The following MROH9 variants were observed in gnomAD, a reference collection of about 807,000 sequenced individuals.
MROH9 encodes maestro heat-like repeat-containing protein family member 9.
A neutral mutation model predicts 98.2 loss-of-function variants in MROH9; 92 were observed. The observed-to-expected ratio is 0.94, with a 90% CI of 0.79 to 1.11. The LOEUF (loss-of-function observed/expected upper bound fraction) is 1.11. MROH9 is among the 50% of genes most tolerant of loss of function. The probability of loss-of-function intolerance (pLI) is 0.00; values close to 1 mark genes in which losing one functional copy is unlikely to be tolerated. For missense variants in MROH9, 1,057 were observed against 1,014.8 expected (o/e 1.04, Z -0.57); for synonymous variants, 397 against 368.9 (o/e 1.08, Z -0.87).
intron 20 of MROH9, among the ~76,000 whole-genome samples, chr1:171,045,622 T>G (rs2101863263): frequency 6.6e-6 from 1 of 152,312 alleles, no homozygotes; most frequent in Non-Finnish European, 1.5e-5. Flanking sequence ...TTGTTATTAA[T>G]TTTTAGTTTT....
chr1:170,976,013 C>A (rs114031393), intron 8 of MROH9, among the ~76,000 whole-genome samples: 1,774 of 152,064 alleles, frequency 0.012, 38 homozygotes, highest in African/African-American at 0.041. Context: ...GTAGGTTTTT[C>A]TCCATTTCTT....
In MROH9 at chr1:171,000,870, G is replaced by A. The variant is rs144896397; in HGVS notation, c.1596+2596G>A. Among the ~76,000 whole-genome samples the A allele has an allele frequency of 3.2e-3, 485 of 151,956 alleles. 4 individuals are homozygous for A. The highest frequency in any genetic ancestry group is 0.011 in the African/African-American group (452 of 41,450). On this transcript the variant is annotated intron_variant, in intron 15 of 21. Coordinates refer to ENST00000367759, the MANE Select transcript of MROH9 (RefSeq NM_001163629.2). ...TTCTGCTGTGAATCCATCTGGTCCT[G>A]GACTTTTTTTTGTTGGTAATTTTTT...
intron 6 of MROH9, among the ~76,000 whole-genome samples, chr1:170,962,193 G>A (rs116315739): frequency 7.6e-4 from 116 of 152,176 alleles, no homozygotes; most frequent in African/African-American, 2.7e-3. Flanking sequence ...AGCATCAACA[G>A]GTACTTGAGA....
chr1:171,048,806 A>G (rs1293995052), intron 20 of MROH9, among the ~76,000 whole-genome samples: 1 of 152,196 alleles, frequency 6.6e-6, no homozygotes, highest in East Asian at 1.9e-4. Context: ...CCCACAATGT[A>G]GTACCTGGGT....
At chr1:170,955,332 C>G (rs1238176992) in intron 3 of MROH9, among the ~76,000 whole-genome samples, 1 of 151,938 alleles carries the variant, frequency 6.6e-6, no homozygotes, top group Non-Finnish European at 1.5e-5. Flanking sequence ...GGGTAGATAC[C>G]CAGTAGTGTG....
At chr1:171,062,514 C>A (rs991136724) in intron 21 of MROH9, among the ~76,000 whole-genome samples, 11 of 152,324 alleles carry the variant, frequency 7.2e-5, no homozygotes, top group African/African-American at 2.6e-4. Flanking sequence ...ATTCATCTAA[C>A]AAATATTTTT....
intron 17 of MROH9, among the ~76,000 whole-genome samples, chr1:171,023,574 G>A (rs1652586406): frequency 6.6e-6 from 1 of 151,724 alleles, no homozygotes; most frequent in Non-Finnish European, 1.5e-5. Context: ...CTGAATTATG[G>A]TAAGTAAATT....
At position 171,032,962 on chromosome 1, in the gene MROH9, GC is replaced by G. The variant is rs1652973180; in HGVS notation, c.2281+7546del. ...TGTGGGATCCAGGTTCTGTCCCTGA[GC>G]CCCTGGCTGGAGTTATTGGAGTTCC... On this transcript the variant is annotated intron_variant, in intron 20 of 21. Coordinates refer to ENST00000367759, the MANE Select transcript of MROH9 (RefSeq NM_001163629.2). 2.0e-5 allele frequency among the ~76,000 whole-genome samples: 3 copies of G among 152,224 alleles called. No homozygotes were observed. In the South Asian group the frequency reaches 6.2e-4, roughly 31 times the overall value.
intron 1 of MROH9, 73 bp downstream of exon 1, chr1:170,935,660 A>C (rs1306606913): frequency 6.6e-6 from 1 of 152,052 alleles, no homozygotes; most frequent in Admixed American, 6.5e-5. Context: ...TACTTTTCTT[A>C]ATTTTTGTTC....
At chr1:170,949,867 T>C (rs953208586) in intron 3 of MROH9, among the ~76,000 whole-genome samples, 7 of 151,934 alleles carry the variant, frequency 4.6e-5, no homozygotes, top group Non-Finnish European at 2.9e-5. Flanking sequence ...ACCCCAGAGA[T>C]ACAAAGACAA....
chr1:171,061,920 A>G (rs750188554), intron 20 of MROH9, among the ~76,000 whole-genome samples: 1 of 152,160 alleles, frequency 6.6e-6, no homozygotes, highest in Non-Finnish European at 1.5e-5. Context: ...TCATTCACTG[A>G]GCTGTCCAAT....
chr1:171,029,310 C>T (rs1652829711), intron 20 of MROH9, among the ~76,000 whole-genome samples: 1 of 151,848 alleles, frequency 6.6e-6, no homozygotes, highest in African/African-American at 2.4e-5. Flanking sequence ...TCCCAGGTTC[C>T]AGCGATTCTC....
intron 14 of MROH9, among the ~76,000 whole-genome samples, chr1:170,997,189 C>T (rs144211918): frequency 6.6e-6 from 1 of 152,056 alleles, no homozygotes; most frequent in African/African-American, 2.4e-5. Context: ...GACAACATGA[C>T]AGACTAAGAC....
rs755662279 is a variant in MROH9, at chr1:170,965,261, T to C, written c.480+6T>C. 3.8e-6 allele frequency: 6 copies of C among 1,569,146 alleles called. No homozygotes were observed. Among genetic ancestry groups the C allele is most frequent in the Non-Finnish European group, 5.3e-6 (6 of 1,139,688 alleles). On this transcript the variant is annotated splice_donor_region_variant and intron_variant, in intron 7 of 21. Transcript: ENST00000367759. ...TCACAAAAGTCAGAAAATACGTAAG[T>C]CACAGAATATAACAATGCCACCTGA...
intron 15 of MROH9, among the ~76,000 whole-genome samples, chr1:171,005,741 T>G (rs1395148665): frequency 1.3e-5 from 2 of 152,166 alleles, no homozygotes; most frequent in East Asian, 3.9e-4. Context: ...ACTTCTTCCT[T>G]TCTGATTTGA....
chr1:170,962,686 T>G (rs16863869), intron 6 of MROH9, among the ~76,000 whole-genome samples: 27,541 of 151,974 alleles, frequency 0.18, 3,691 homozygotes, highest in African/African-American at 0.38. Flanking sequence ...GGAATTTGAA[T>G]GAAAATAAAA....
Position 170,992,292 on chromosome 1 carries a change from G to T in MROH9, c.1157G>T (p.Arg386Leu). 1.2e-6 allele frequency: 2 copies of T among 1,613,434 alleles called. No homozygotes were observed. The highest frequency in any genetic ancestry group is 1.1e-5 in the South Asian group (1 of 91,056). The stretch of plus-strand genomic sequence containing the variant: ...GAGGACACCGTAACGGAAGGGAAAC[G>T]TTTCTCTCTTGATATTACCAACTTG... ...EMEDTVTEGK[R>L]FSLDITNLMP... Residue 386 changes from arginine (R) to leucine (L), a missense_variant, in exon 12 of 22, where the codon CGT becomes CTT. Transcript: ENST00000367759.
intron 17 of MROH9, among the ~76,000 whole-genome samples, chr1:171,023,007 C>T (rs1339232020): frequency 6.6e-6 from 1 of 151,964 alleles, no homozygotes; most frequent in African/African-American, 2.4e-5. Context: ...TCCTTAAAAC[C>T]AGAAGGTGAT....
chr1:171,032,425 G>A (rs773078801), intron 20 of MROH9, among the ~76,000 whole-genome samples: 5 of 152,116 alleles, frequency 3.3e-5, no homozygotes, highest in African/African-American at 1.2e-4. Flanking sequence ...GTCTAGAGTC[G>A]GTCTTTGAGG....
Sources: allele counts gnomAD v4.1 joint callset (sites outside exome capture counted in the v4.1 genomes callset), GRCh38; gene constraint gnomAD v4.1.1; transcripts MANE v1.5; gene names NCBI Gene and HGNC (gene_info 2026-07-23, HGNC 2026-07-21).